Variants in RERE observed in about 807,000 individuals in gnomAD.
RERE encodes the protein arginine-glutamic acid dipeptide repeats.
In RERE, 40 loss-of-function variants were observed where a neutral mutation model predicts 146.1. That is an observed-to-expected ratio of 0.27 (90% confidence interval 0.21 to 0.36). The LOEUF is 0.36. RERE is among the 10% of genes least tolerant of loss of function. The pLI, the probability that RERE is intolerant of heterozygous loss-of-function variation, is 1.00. For synonymous variants in RERE, 1,003 were observed against 866.0 expected (o/e 1.16, Z -2.78); for missense variants, 1,933 against 2,138.7 (o/e 0.90, Z 1.90).
At chr1:8,703,891 CCA>C (rs1369045658) in intron 1 of RERE, among the ~76,000 whole-genome samples, 1 of 152,166 alleles carries the variant, frequency 6.6e-6, no homozygotes, top group Non-Finnish European at 1.5e-5. Context: ...ACTTCTGACC[CCA>C]GTTTTCCTTA....
intron 12 of RERE, among the ~76,000 whole-genome samples, chr1:8,416,967 G>T (rs1207541809): frequency 7.0e-6 from 1 of 143,422 alleles, no homozygotes; most frequent in Non-Finnish European, 1.5e-5. Flanking sequence ...GAGCAGTGAG[G>T]ATAGACAACG....
At chr1:8,763,372 C>T (rs1376912814) in intron 1 of RERE, among the ~76,000 whole-genome samples, 1 of 152,220 alleles carries the variant, frequency 6.6e-6, no homozygotes, top group Non-Finnish European at 1.5e-5. Context: ...GTGGCTCACA[C>T]CTGTAATCCC....
intron 1 of RERE, among the ~76,000 whole-genome samples, chr1:8,660,090 T>C (rs1420648533): frequency 6.6e-6 from 1 of 152,018 alleles, no homozygotes; most frequent in Non-Finnish European, 1.5e-5. Flanking sequence ...TACCATATCA[T>C]TTATATATTA....
At chr1:8,537,795 C>A (rs1645746455) in intron 7 of RERE, among the ~76,000 whole-genome samples, 1 of 151,734 alleles carries the variant, frequency 6.6e-6, no homozygotes, top group Non-Finnish European at 1.5e-5. Flanking sequence ...AGTGGTAATC[C>A]ATCAGGAACA....
intron 1 of RERE, among the ~76,000 whole-genome samples, chr1:8,674,261 G>A (rs1043740038): frequency 6.6e-6 from 1 of 152,038 alleles, no homozygotes; most frequent in Non-Finnish European, 1.5e-5. Context: ...ACACAGGCCT[G>A]TTAAATATCA....
intron 12 of RERE, among the ~76,000 whole-genome samples, chr1:8,403,522 C>A (rs557288471): frequency 1.3e-5 from 2 of 151,106 alleles, no homozygotes; most frequent in African/African-American, 2.4e-5. Context: ...CCCACCACCA[C>A]ACCCAGCTAA....
At chr1:8,514,062 A>G (rs1324570810) in intron 7 of RERE, among the ~76,000 whole-genome samples, 1 of 152,236 alleles carries the variant, frequency 6.6e-6, no homozygotes, top group Non-Finnish European at 1.5e-5. Flanking sequence ...AATATCACCT[A>G]TCTCATAAGA....
intron 13 of RERE, 71 bp downstream of exon 13, chr1:8,365,741 G>A: frequency 6.4e-7 from 1 of 1,558,028 alleles, no homozygotes; most frequent in South Asian, 1.1e-5. Flanking sequence ...GCTCCTACGG[G>A]CCCAGAGTGG....
At chr1:8,437,911 C>G (rs576211349) in intron 11 of RERE, among the ~76,000 whole-genome samples, 2 of 144,332 alleles carry the variant, frequency 1.4e-5, no homozygotes, top group South Asian at 4.5e-4. Context: ...GAGTCCTTTT[C>G]ATCCTCGTTT....
intron 2 of RERE, among the ~76,000 whole-genome samples, chr1:8,647,649 G>A (rs1378744907): frequency 1.1e-4 from 17 of 149,222 alleles, no homozygotes; most frequent in South Asian, 4.2e-4. Context: ...GTATGTGTGT[G>A]TGTGTGTGTG....
chr1:8,773,811 G>A lies in RERE; in HGVS notation c.-145+43349C>T, dbSNP rs144138068. Reference sequence around the variant, plus strand: ...TGCACTCCAGCCTGGGCGACAGAGCGAGACTCCATCTCAGAAAAAAGTTAC... The same window carrying A: ...TGCACTCCAGCCTGGGCGACAGAGCAAGACTCCATCTCAGAAAAAAGTTAC... On this transcript the variant is annotated intron_variant, in intron 1 of 22. Transcript: ENST00000400908. Among the ~76,000 whole-genome samples, 354 of 152,234 alleles carry A rather than the reference G, an allele frequency of 2.3e-3. 1 individual carries two copies. Among genetic ancestry groups the A allele is most frequent in the Admixed American group, 3.5e-3 (54 of 15,288 alleles).
At position 8,559,213 on chromosome 1, in the gene RERE, G is replaced by A. The variant is rs368635460; in HGVS notation, c.523-1690C>T. 4.5e-5 allele frequency among the ~76,000 whole-genome samples: 6 copies of A among 134,478 alleles called. No individual in the cohort carries two copies. The East Asian group carries it at 1.4e-3, about 31-fold the overall frequency. 88.2% of individuals were successfully genotyped at this position (134,478 alleles called of 152,430 possible). ...GAGAATTGCTTGAACCTGGGAGGCG[G>A]AAGTTGAGGTGAGCCAAGATCGTGC... On this transcript the variant is annotated intron_variant, in intron 4 of 22. Coordinates refer to ENST00000400908, the MANE Select transcript of RERE (RefSeq NM_001042681.2).
At chr1:8,515,742 T>C (rs1244128574) in intron 7 of RERE, among the ~76,000 whole-genome samples, 2 of 152,070 alleles carry the variant, frequency 1.3e-5, no homozygotes, top group Non-Finnish European at 2.9e-5. Context: ...AAAGCCAGGG[T>C]GGTCATCAAC....
chr1:8,399,806 T>TA lies in RERE; in HGVS notation c.1284+22920dup, dbSNP rs59690444. Among the ~76,000 whole-genome samples, 349 of 149,178 alleles carry TA rather than the reference T, an allele frequency of 2.3e-3. 1 individual carries two copies. The highest frequency in any genetic ancestry group is 7.2e-3 in the African/African-American group (296 of 40,886). On this transcript the variant is annotated intron_variant, in intron 12 of 22. Transcript: ENST00000400908. Reference sequence around the variant, plus strand: ...TTTAATATTTTATTATGTCTTTTTTTAAAAAAAAAAATAAAGAATTTGCAT... The same window carrying TA: ...TTTAATATTTTATTATGTCTTTTTTTAAAAAAAAAAAATAAAGAATTTGCAT...
intron 7 of RERE, chr1:8,525,642 A>T: frequency 8.7e-7 from 1 of 1,149,694 alleles, no homozygotes; most frequent in Non-Finnish European, 1.2e-6. Flanking sequence ...GGGCTGAATT[A>T]AAGGCTCTCA....
chr1:8,364,300 C>CT lies in RERE; in HGVS notation c.1541-46dup. 1 of 1,558,562 alleles carries CT rather than the reference C, an allele frequency of 6.4e-7. No individual in the cohort carries two copies. Among genetic ancestry groups the CT allele is most frequent in the Non-Finnish European group, 8.8e-7 (1 of 1,130,372 alleles). ...GGGGCCAACCTTGGAAACCATCCCT[C>CT]TCCCTGGGGATGTCTGGGCAGAGGG... On this transcript the variant is annotated intron_variant, in intron 14 of 22. Coordinates refer to ENST00000400908, the MANE Select transcript of RERE (RefSeq NM_001042681.2). The surrounding 1 kb of genome is among the most constrained non-coding windows in gnomAD (Gnocchi z 5.1).
chr1:8,487,278 A>G (rs2124203253), intron 10 of RERE, among the ~76,000 whole-genome samples: 1 of 152,282 alleles, frequency 6.6e-6, no homozygotes, highest in African/African-American at 2.4e-5. Context: ...GATCATTCTA[A>G]CTTGATTAAA....
At chr1:8,438,130 G>C (rs563586901) in intron 11 of RERE, among the ~76,000 whole-genome samples, 2 of 152,228 alleles carry the variant, frequency 1.3e-5, no homozygotes, top group African/African-American at 2.4e-5. Context: ...ACAGGTATGT[G>C]TCAGTTACCA....
intron 1 of RERE, among the ~76,000 whole-genome samples, chr1:8,720,778 G>A (rs912688696): frequency 2.6e-5 from 4 of 152,174 alleles, no homozygotes; most frequent in Non-Finnish European, 4.4e-5. Context: ...AAATCTAGCC[G>A]GGCACAGTGG....
Sources: gnomAD v4.1 joint callset for allele counts (sites outside exome capture counted in the v4.1 genomes callset) on GRCh38, gnomAD v4.1.1 for gene constraint, Gnocchi (gnomAD v3.1) non-coding constraint, MANE v1.5 for transcripts, NCBI Gene and HGNC (gene_info 2026-07-23, HGNC 2026-07-21) for gene names.